ZZEF1: variants seen among roughly 807,000 people sequenced by gnomAD.
The protein encoded by ZZEF1 is zinc finger ZZ-type and EF-hand domain-containing protein 1.
ZZEF1 carries 157 observed loss-of-function variants against 342.8 expected under a neutral mutation model. That is an observed-to-expected ratio of 0.46 (90% confidence interval 0.40 to 0.52). The LOEUF (loss-of-function observed/expected upper bound fraction) is 0.52. Ranked by LOEUF, ZZEF1 falls within the 20% of genes least tolerant of loss-of-function variation. The pLI, the probability that ZZEF1 is intolerant of heterozygous loss-of-function variation, is 0.00. For missense variants in ZZEF1, 3,480 were observed against 3,725.6 expected (o/e 0.93, Z 1.72); for synonymous variants, 1,505 against 1,429.1 (o/e 1.05, Z -1.20).
chr17:4,121,597 T>G (rs891403564), intron 2 of ZZEF1, among the ~76,000 whole-genome samples: 1 of 152,164 alleles, frequency 6.6e-6, no homozygotes, highest in African/African-American at 2.4e-5. Flanking sequence ...CACTCCAGCC[T>G]GGGTGACAGA....
At chr17:4,081,675 TTCCATTAGCAC>T (rs2057726678) in intron 17 of ZZEF1, among the ~76,000 whole-genome samples, 185 bp from the exon 18 acceptor site, 1 of 152,224 alleles carries the variant, frequency 6.6e-6, no homozygotes, top group Non-Finnish European at 1.5e-5. Flanking sequence ...CCACATGTGC[TTCCATTAGCAC>T]AGACTCACAA....
chr17:4,097,088 C>T (rs1259070795), intron 9 of ZZEF1, among the ~76,000 whole-genome samples: 3 of 151,782 alleles, frequency 2.0e-5, no homozygotes, highest in Non-Finnish European at 4.4e-5. Flanking sequence ...GGAGAAACCC[C>T]GTCTCTACTA....
Position 4,064,801 on chromosome 17 carries a change from T to C in ZZEF1, c.4278A>G (p.Leu1426=), listed in dbSNP as rs757169579. 1.4e-5 allele frequency: 23 copies of C among 1,594,528 alleles called. No individual in the cohort carries two copies. The highest frequency in any genetic ancestry group is 1.3e-4 in the African/African-American group (9 of 71,948). The change falls in exon 29 of 55, where the codon CTA becomes CTG. Residue 1426 remains leucine, a synonymous_variant. Coordinates refer to ENST00000381638, the MANE Select transcript of ZZEF1 (RefSeq NM_015113.4). The part of the protein sequence containing the change: ...LAKECIEKSL[L]LLKFLPTGIS... Reference sequence around the variant, plus strand: ...TGCCCGTGGGCAGAAATTTTAGTAATAGAAGACTCTTCTCAATGCACTCTT... The same window carrying C: ...TGCCCGTGGGCAGAAATTTTAGTAACAGAAGACTCTTCTCAATGCACTCTT...
Position 4,075,507 on chromosome 17 carries a change from A to G in ZZEF1, c.3235-78T>C, listed in dbSNP as rs557779034. The G allele has an allele frequency of 1.4e-4, 211 of 1,525,034 alleles. 1 individual carries two copies. In the African/African-American group the frequency reaches 2.8e-3, roughly 20 times the overall value. 94.5% of individuals were successfully genotyped at this position (1,525,034 alleles called of 1,614,324 possible). On this transcript the variant is annotated intron_variant, in intron 21 of 54. Transcript: ENST00000381638. The stretch of plus-strand genomic sequence containing the variant: ...GCCACATGCAGCAGACTGTTTCTCT[A>G]TCAGTGCTCCAGGCAGATGGCCTTG...
chr17:4,067,202 G>A lies in ZZEF1; in HGVS notation c.4116C>T (p.Ala1372=). 6.2e-7 allele frequency: 1 copy of A among 1,613,014 alleles called. No homozygotes were observed. Among genetic ancestry groups the A allele is most frequent in the Non-Finnish European group, 8.5e-7 (1 of 1,179,636 alleles). Residue 1372 remains alanine (A), a synonymous_variant, in exon 27 of 55, where the codon GCC becomes GCT. Coordinates refer to ENST00000381638, the MANE Select transcript of ZZEF1 (RefSeq NM_015113.4). ...TCCCATCTGCCAAGGAATAAACCTG[G>A]GCAAACTCTTCACTCAGGGCTATTT... ...GGKIALSEEF[A]QVYSLADGIR...
intron 31 of ZZEF1, among the ~76,000 whole-genome samples, chr17:4,058,624 C>T (rs1480210391): frequency 1.3e-5 from 2 of 152,168 alleles, no homozygotes; most frequent in Non-Finnish European, 2.9e-5. Flanking sequence ...ACTGTAATTC[C>T]AGCACTTTGG....
intron 13 of ZZEF1, among the ~76,000 whole-genome samples, chr17:4,087,950 C>T (rs1325171921): frequency 6.6e-6 from 1 of 152,132 alleles, no homozygotes; most frequent in African/African-American, 2.4e-5. Flanking sequence ...GGTATCAATC[C>T]TTCCGTAAGC....
rs113189199 is a variant in ZZEF1, at chr17:4,054,307, G to C, written c.5296-112C>G. On this transcript the variant is annotated intron_variant, in intron 33 of 54. Transcript: ENST00000381638. ...GAAGATGTTCCAGGCATTGTACTAA[G>C]TGCTAGGATTTGATAATGAATAAGC... 1.1e-3 allele frequency: 1,310 copies of C among 1,216,126 alleles called. 12 individuals are homozygous for C. In the African/African-American group the frequency reaches 0.018, roughly 17 times the overall value. The allele number at this position is 1,216,126 out of a possible 1,614,324, so 75.3% of individuals were successfully genotyped here.
chr17:4,111,988 G>A (rs1284708248), intron 5 of ZZEF1, among the ~76,000 whole-genome samples: 1 of 127,778 alleles, frequency 7.8e-6, no homozygotes, highest in African/African-American at 2.9e-5. Context: ...AGCTATGACT[G>A]TACCACTGCA....
chr17:4,054,213 T>C lies in ZZEF1; in HGVS notation c.5296-18A>G, dbSNP rs377481194. ...ATGTGCATCTGTAAGGCCAAACATA[T>C]ACAATTAACTGATAGATTTTCTAAG... is the stretch of plus-strand genomic sequence containing the variant. On this transcript the variant is annotated intron_variant, in intron 33 of 54. Coordinates refer to ENST00000381638, the MANE Select transcript of ZZEF1 (RefSeq NM_015113.4). 28 of 1,602,458 alleles carry C rather than the reference T, an allele frequency of 1.7e-5. No homozygotes were observed. The highest frequency in any genetic ancestry group is 2.2e-5 in the Non-Finnish European group (26 of 1,173,078).
intron 3 of ZZEF1, 150 bp downstream of exon 3, chr17:4,116,822 A>T (rs1001294140): frequency 6.3e-6 from 5 of 791,524 alleles, no homozygotes; most frequent in African/African-American, 1.8e-5. Context: ...AAGAAAGGGA[A>T]TGAGGAGAAA....
At chr17:4,112,421 C>T (rs944991657) in intron 5 of ZZEF1, among the ~76,000 whole-genome samples, 188 bp downstream of exon 5, 1 of 152,154 alleles carries the variant, frequency 6.6e-6, no homozygotes, top group African/African-American at 2.4e-5. Flanking sequence ...GCTGGGATTA[C>T]AGGCGTGAGC....
chr17:4,012,191 G>C (rs1444605283), intron 52 of ZZEF1, among the ~76,000 whole-genome samples: 1 of 152,218 alleles, frequency 6.6e-6, no homozygotes, highest in Non-Finnish European at 1.5e-5. Context: ...TGCTCAACCA[G>C]ACTGTGCTTA....
chr17:4,109,715 A>G lies in ZZEF1; in HGVS notation c.1215T>C (p.Ser405=). Residue 405 remains serine, a synonymous_variant, in exon 6 of 55, where the codon TCT becomes TCC. Transcript: ENST00000381638. ...TTGTCTCCATAGAAGCCGTCACCAGAGATGTCAGCAGAGACCAATACCATA... is the reference window on the plus strand; with the variant it reads ...TTGTCTCCATAGAAGCCGTCACCAGGGATGTCAGCAGAGACCAATACCATA... ...SAIWYWSLLT[S]LVTASMETNP... is the part of the protein sequence containing the mutation. 1 of 1,614,186 alleles carries G rather than the reference A, an allele frequency of 6.2e-7. No individual in the cohort carries two copies. The highest frequency in any genetic ancestry group is 1.1e-5 in the South Asian group (1 of 91,082).
At chr17:4,096,077 C>A in intron 10 of ZZEF1, 98 bp from the exon 11 acceptor site, 1 of 1,303,508 alleles carries the variant, frequency 7.7e-7, no homozygotes, top group Non-Finnish European at 1.0e-6. Flanking sequence ...TAAAACAAAA[C>A]GAGACCAATG....
At chr17:4,048,304 A>G (rs2056969675) in intron 37 of ZZEF1, among the ~76,000 whole-genome samples, 1 of 152,188 alleles carries the variant, frequency 6.6e-6, no homozygotes, top group South Asian at 2.1e-4. Flanking sequence ...CTGAATGGAA[A>G]TAATAAAAAT....
intron 5 of ZZEF1, among the ~76,000 whole-genome samples, chr17:4,112,078 ATATATATATATATATG>A (rs2058318354): frequency 2.2e-5 from 1 of 46,084 alleles, no homozygotes; most frequent in Non-Finnish European, 3.9e-5. Flanking sequence ...ATATATATAT[ATATATATATATATATG>A]TTTTGTTTTG....
At chr17:4,022,170 G>C (rs2056288244) in intron 44 of ZZEF1, among the ~76,000 whole-genome samples, 1 of 152,134 alleles carries the variant, frequency 6.6e-6, no homozygotes, top group African/African-American at 2.4e-5. Flanking sequence ...TGTGGCGGCA[G>C]CCTTTCCTGG....
At position 4,056,252 on chromosome 17, in the gene ZZEF1, T is replaced by C. The variant is rs2057157522; in HGVS notation, c.5259A>G (p.Glu1753=). 8.2e-6 allele frequency: 13 copies of C among 1,590,766 alleles called. No homozygotes were observed. Among genetic ancestry groups the C allele is most frequent in the Non-Finnish European group, 1.1e-5 (13 of 1,168,352 alleles). ...TCTCTGGATCTTCCTGGGCTATTTT[T>C]TCATACCAGGCCTCAAACATGCCAT... ...CQDGMFEAWY[E]KIAQEDPEKQ... Residue 1753 remains glutamate (E), a synonymous_variant, in exon 33 of 55, where the codon GAA becomes GAG. Coordinates refer to ENST00000381638, the MANE Select transcript of ZZEF1 (RefSeq NM_015113.4).
Sources: allele counts gnomAD v4.1 joint callset (sites outside exome capture counted in the v4.1 genomes callset), GRCh38; gene constraint gnomAD v4.1.1; transcripts MANE v1.5; gene names NCBI Gene and HGNC (gene_info 2026-07-23, HGNC 2026-07-21).